FRYL: variants seen among roughly 807,000 people sequenced by gnomAD.
FRYL encodes the protein protein furry homolog-like.
In FRYL, 150 loss-of-function variants were observed where a neutral mutation model predicts 351.2. That is an observed-to-expected ratio of 0.43 (90% CI 0.37 to 0.49). The LOEUF (loss-of-function observed/expected upper bound fraction) is 0.49, where lower values mean the gene tolerates loss of function less well. Ranked by LOEUF, FRYL falls within the 20% of genes least tolerant of loss-of-function variation. The pLI is 0.00. For synonymous variants in FRYL, 1,153 were observed against 1,257.1 expected (o/e 0.92, Z 1.75); for missense variants, 3,036 against 3,619.3 (o/e 0.84, Z 4.13).
intron 3 of FRYL, among the ~76,000 whole-genome samples, chr4:48,643,153 A>G (rs1033783700): frequency 6.6e-6 from 1 of 152,172 alleles, no homozygotes; most frequent in African/African-American, 2.4e-5. Flanking sequence ...ATCCTGCAGG[A>G]CCTCATCCAG....
intron 19 of FRYL, among the ~76,000 whole-genome samples, chr4:48,584,641 T>C (rs1180787721): frequency 6.6e-6 from 1 of 152,196 alleles, no homozygotes; most frequent in African/African-American, 2.4e-5. Flanking sequence ...AATATGTAAA[T>C]ATCTATCTTA....
intron 11 of FRYL, 97 bp from the exon 12 acceptor site, chr4:48,603,485 A>T: frequency 1.3e-6 from 1 of 788,720 alleles, no homozygotes; most frequent in African/African-American, 1.7e-5. Flanking sequence ...GAAATTGGTT[A>T]ATAATTCACT....
chr4:48,619,221 C>A, intron 7 of FRYL, 53 bp downstream of exon 7: 1 of 1,109,398 alleles, frequency 9.0e-7, no homozygotes, highest in Non-Finnish European at 1.4e-6. Flanking sequence ...AACACGAAGG[C>A]ACAGTAAGCA....
intron 25 of FRYL, chr4:48,574,321 T>G (rs1739062564): frequency 6.6e-6 from 1 of 152,192 alleles, no homozygotes; most frequent in Non-Finnish European, 1.5e-5. Flanking sequence ...AAATCCTATT[T>G]TTTTCAATTA....
intron 33 of FRYL, among the ~76,000 whole-genome samples, chr4:48,559,117 A>G (rs1335722993): frequency 1.3e-5 from 2 of 152,208 alleles, no homozygotes; most frequent in Non-Finnish European, 2.9e-5. Flanking sequence ...TAGTTGCCTC[A>G]TGAAGTTATT....
Position 48,674,368 on chromosome 4 carries a change from A to T in FRYL, c.-81+10305T>A, listed in dbSNP as rs113365599. On this transcript the variant is annotated intron_variant, in intron 3 of 63. Transcript: ENST00000358350. ...GGACTCTACACACACACATACAAAA[A>T]AACAGTCTAAGGATATTTAAGCATT... Among the ~76,000 whole-genome samples the T allele has an allele frequency of 4.7e-3, 715 of 152,282 alleles. 5 individuals carry two copies. Among genetic ancestry groups the T allele is most frequent in the African/African-American group, 0.016 (650 of 41,546 alleles).
At position 48,655,929 on chromosome 4, in the gene FRYL, T is replaced by C. The variant is rs1758808680; in HGVS notation, c.-80-21439A>G. ...ACATTATATATAATGTGTAATTCTA[T>C]GTACATTATATGCGTAATTATATGT... On this transcript the variant is annotated intron_variant, in intron 3 of 63. Coordinates refer to ENST00000358350, the MANE Select transcript of FRYL (RefSeq NM_015030.2). Among the ~76,000 whole-genome samples, 3 of 139,870 alleles carry C rather than the reference T, an allele frequency of 2.1e-5. No homozygotes were observed. In the Admixed American group the frequency reaches 2.2e-4, roughly 10 times the overall value. The allele number at this position is 139,870 out of a possible 152,430, so 91.8% of individuals were successfully genotyped here.
rs1775234122 is a variant in FRYL, at chr4:48,768,853, C to G, written c.-384+11225G>C. Among the ~76,000 whole-genome samples, 7 of 151,624 alleles carry G rather than the reference C, an allele frequency of 4.6e-5. No individual in the cohort carries two copies. In the South Asian group the frequency reaches 1.5e-3, roughly 32 times the overall value. On this transcript the variant is annotated intron_variant, in intron 1 of 63. Transcript: ENST00000358350. ...AATTGATTAAATGCATTATATGGCT[C>G]GGCACAGTGGCTCATGCCTGTAATC...
In FRYL at chr4:48,503,662, C is replaced by G. The variant is rs565714548; in HGVS notation, c.8464-817G>C. ...TATCTTCTAAAAGTCATTCTTAAGC[C>G]TGCTTTTCTAAATAGTTTCCTGTGA... On this transcript the variant is annotated intron_variant, in intron 60 of 63. Transcript: ENST00000358350. Among the ~76,000 whole-genome samples the G allele has an allele frequency of 2.6e-5, 4 of 152,264 alleles. No homozygotes were observed. The South Asian group carries it at 8.3e-4, about 32-fold the overall frequency.
intron 3 of FRYL, among the ~76,000 whole-genome samples, chr4:48,659,062 A>C (rs1218948827): frequency 6.6e-6 from 1 of 152,108 alleles, no homozygotes; most frequent in African/African-American, 2.4e-5. Context: ...TACAAAAAGG[A>C]AGCAGGGGCC....
At chr4:48,722,239 T>C (rs1397686289) in intron 1 of FRYL, among the ~76,000 whole-genome samples, 1 of 152,228 alleles carries the variant, frequency 6.6e-6, no homozygotes, top group East Asian at 1.9e-4. Context: ...AGATACTAAG[T>C]TGTGATAGTC....
intron 16 of FRYL, among the ~76,000 whole-genome samples, chr4:48,593,026 T>G (rs892004010): frequency 1.6e-4 from 24 of 152,174 alleles, no homozygotes; most frequent in African/African-American, 5.8e-4. Context: ...TGAAAAATCC[T>G]GAAAATCTAA....
At chr4:48,551,308 C>T (rs1034072731) in intron 37 of FRYL, among the ~76,000 whole-genome samples, 186 bp downstream of exon 37, 3 of 152,130 alleles carry the variant, frequency 2.0e-5, no homozygotes, top group Non-Finnish European at 2.9e-5. Flanking sequence ...ATAAAAAAAT[C>T]TAGCAGGCTA....
At chr4:48,658,247 T>C (rs189851481) in intron 3 of FRYL, among the ~76,000 whole-genome samples, 1 of 152,304 alleles carries the variant, frequency 6.6e-6, no homozygotes, top group African/African-American at 2.4e-5. Context: ...GTATGAATTA[T>C]TCCTCATATT....
intron 3 of FRYL, among the ~76,000 whole-genome samples, chr4:48,662,968 T>C (rs1342441511): frequency 2.0e-5 from 3 of 151,856 alleles, no homozygotes; most frequent in Admixed American, 6.6e-5. Context: ...CTACAAAAAA[T>C]AAAAAAGAAG....
chr4:48,568,311 T>G (rs968575797), intron 27 of FRYL, among the ~76,000 whole-genome samples: 2 of 152,214 alleles, frequency 1.3e-5, no homozygotes, highest in Non-Finnish European at 2.9e-5. Context: ...TGTCTGCGCC[T>G]GGCAACCACT....
intron 13 of FRYL, among the ~76,000 whole-genome samples, chr4:48,598,613 T>C (rs1432156286): frequency 1.3e-5 from 2 of 152,220 alleles, no homozygotes; most frequent in Non-Finnish European, 2.9e-5. Flanking sequence ...GCATTCAGTG[T>C]CAGTTCTATT....
chr4:48,755,411 T>C (rs1773673901), intron 1 of FRYL, among the ~76,000 whole-genome samples: 1 of 152,290 alleles, frequency 6.6e-6, no homozygotes, highest in Non-Finnish European at 1.5e-5. Flanking sequence ...CCACTAGAAA[T>C]TTCTCTCCAG....
At chr4:48,525,196 T>TATATATATATATATATATATATAC (rs759279145) in intron 53 of FRYL, among the ~76,000 whole-genome samples, 1 of 133,056 alleles carries the variant, frequency 7.5e-6, no homozygotes, top group Non-Finnish European at 1.6e-5. Context: ...TATATATATA[T>TATATATATATATATATATATATAC]ACACACACTT....
Sources: gnomAD v4.1 joint callset for allele counts (sites outside exome capture counted in the v4.1 genomes callset) on GRCh38, gnomAD v4.1.1 for gene constraint, MANE v1.5 for transcripts, NCBI Gene and HGNC (gene_info 2026-07-23, HGNC 2026-07-21) for gene names.